The following PIGZ variants were observed in gnomAD, a reference collection of about 807,000 sequenced individuals.
PIGZ encodes GPI alpha-1,2-mannosyltransferase 4.
PIGZ carries 16 observed loss-of-function variants against 16.4 expected under a neutral mutation model. That is an observed-to-expected ratio of 0.97 (90% CI 0.66 to 1.48). The LOEUF (loss-of-function observed/expected upper bound fraction) is 1.48. PIGZ is among the 40% of genes most tolerant of loss of function. The pLI is 0.00. For synonymous variants in PIGZ, 409 were observed against 338.4 expected, an observed-to-expected ratio of 1.21 and a Z score of -2.29; for missense variants, 770 against 739.2, an observed-to-expected ratio of 1.04 and a Z score of -0.48.
chr3:196,946,791 G>C lies in PIGZ; in HGVS notation c.*366C>G, dbSNP rs757649190. ...AAGGGTAAGGCATCATGGGAGGTTTGGGAGAGGTCATTGAGGAATGTCACT... is the reference window on the plus strand; with the variant it reads ...AAGGGTAAGGCATCATGGGAGGTTTCGGAGAGGTCATTGAGGAATGTCACT... On this transcript the variant is annotated 3_prime_UTR_variant, in exon 3 of 3. Transcript: ENST00000412723. 8 of 187,810 alleles carry C rather than the reference G, an allele frequency of 4.3e-5. No homozygotes were observed. The highest frequency in any genetic ancestry group is 7.6e-5 in the Non-Finnish European group (7 of 91,938). The allele number at this position is 187,810 out of a possible 1,614,324, so 11.6% of individuals were successfully genotyped here. A position where few individuals can be genotyped will look rare whatever the true frequency, so the allele number is the denominator to read the frequency against.
At position 196,952,731 on chromosome 3, in the gene PIGZ, C is replaced by G. The variant is rs890043225; in HGVS notation, c.1-700G>C. ...GATTACAGGCGTGAGCCACCGTGCC[C>G]AGCTAAGATTAGCCTTTGAATTGGT... On this transcript the variant is annotated intron_variant, in intron 1 of 2. Transcript: ENST00000412723. 1.3e-4 allele frequency among the ~76,000 whole-genome samples: 20 copies of G among 152,314 alleles called. No individual in the cohort carries two copies. In the East Asian group the frequency reaches 3.9e-3, roughly 29 times the overall value.
In PIGZ at chr3:196,947,853, A is replaced by G. The variant is rs1254584673; in HGVS notation, c.1044T>C (p.Ser348=). The G allele has an allele frequency of 6.2e-7, 1 of 1,613,580 alleles. No individual in the cohort carries two copies. The highest frequency in any genetic ancestry group is 8.5e-7 in the Non-Finnish European group (1 of 1,179,642). The change falls in exon 3 of 3, where the codon TCT becomes TCC. Residue 348 remains serine, a synonymous_variant. Coordinates refer to ENST00000412723, the MANE Select transcript of PIGZ (RefSeq NM_025163.4). ...WQRLQVGLQA[S]AQMGLLRALG... ...GTGCCCTCAGGAGGCCCATTTGTGC[A>G]GAGGCCTGGAGGCCGACTTGCAGCC...
Position 196,965,827 on chromosome 3 carries a change from T to C in PIGZ, c.-1+2860A>G, listed in dbSNP as rs969778236. 1.3e-5 allele frequency among the ~76,000 whole-genome samples: 2 copies of C among 152,166 alleles called. No individual in the cohort carries two copies. Among genetic ancestry groups the C allele is most frequent in the Admixed American group, 1.3e-4 (2 of 15,276 alleles). On this transcript the variant is annotated intron_variant, in intron 1 of 2. Coordinates refer to ENST00000412723, the MANE Select transcript of PIGZ (RefSeq NM_025163.4). The surrounding 1 kb of genome is among the most constrained non-coding windows in gnomAD (Gnocchi z 4.2). ...TGTGGATGAATAATGAGGGAGATGG[T>C]AAGAAGCATGACCTGGAGTAGACTG...
At chr3:196,964,955 C>T (rs1717868515) in intron 1 of PIGZ, among the ~76,000 whole-genome samples, 2 of 152,124 alleles carry the variant, frequency 1.3e-5, no homozygotes, top group South Asian at 4.1e-4. Flanking sequence ...GAAGATGGAC[C>T]CGGTCTGTTT....
chr3:196,961,979 T>A (rs335821), intron 1 of PIGZ, among the ~76,000 whole-genome samples: 122,117 of 152,108 alleles, frequency 0.8, 49,812 homozygotes, highest in African/African-American at 0.95. Context: ...CCACTAATCT[T>A]CTTTCTGTCT....
intron 2 of PIGZ, 120 bp downstream of exon 2, chr3:196,951,701 C>G: frequency 2.2e-6 from 2 of 926,380 alleles, no homozygotes; most frequent in Non-Finnish European, 3.4e-6. Flanking sequence ...GGCTGCTGCT[C>G]TGCTTGTGGA....
At position 196,951,571 on chromosome 3, in the gene PIGZ, G is replaced by A. The variant is rs570053931; in HGVS notation, c.211+250C>T. Reference sequence around the variant, plus strand: ...TCATTCTGAATGACCTGTATTGTTGGTCCAAGCAGGGATACATCAAAGAGA... The same window carrying A: ...TCATTCTGAATGACCTGTATTGTTGATCCAAGCAGGGATACATCAAAGAGA... On this transcript the variant is annotated intron_variant, in intron 2 of 2. Coordinates refer to ENST00000412723, the MANE Select transcript of PIGZ (RefSeq NM_025163.4). 5.4e-6 allele frequency: 3 copies of A among 552,418 alleles called. No individual in the cohort carries two copies. The South Asian group carries it at 6.1e-5, about 11-fold the overall frequency. The allele number at this position is 552,418 out of a possible 1,614,324, so 34.2% of individuals were successfully genotyped here.
intron 2 of PIGZ, among the ~76,000 whole-genome samples, chr3:196,951,034 C>T (rs1577885424): frequency 1.3e-5 from 2 of 152,380 alleles, no homozygotes; most frequent in African/African-American, 2.4e-5. Flanking sequence ...GCGTGAGCCA[C>T]TGCATCTGAC....
At position 196,947,926 on chromosome 3, in the gene PIGZ, A is replaced by G; in HGVS notation, c.971T>C (p.Leu324Pro). 6.2e-7 allele frequency: 1 copy of G among 1,613,914 alleles called. No individual in the cohort carries two copies. Among genetic ancestry groups the G allele is most frequent in the African/African-American group, 1.3e-5 (1 of 75,054 alleles). Reference sequence around the variant, plus strand: ...CTGGGCATGCAGCACCCCGAAGAGCAGGAAGCCGTTGACTGCCAGGTGAGT... The same window carrying G: ...CTGGGCATGCAGCACCCCGAAGAGCGGGAAGCCGTTGACTGCCAGGTGAGT... ...RLTHLAVNGF[L>P]LFGVLHAQAL... Residue 324 changes from leucine to proline, a missense_variant, in exon 3 of 3, where the codon CTG becomes CCG. Leu to Pro is a moderately conservative substitution (Grantham distance 98, BLOSUM62 -3). Coordinates refer to ENST00000412723, the MANE Select transcript of PIGZ (RefSeq NM_025163.4).
intron 1 of PIGZ, 36 bp from the exon 2 acceptor site, chr3:196,952,067 A>G: frequency 6.4e-7 from 1 of 1,558,398 alleles, no homozygotes. Flanking sequence ...ATCACGATGT[A>G]AATTATAATA....
rs1040148973 is a variant in PIGZ at position 196,968,812 on chromosome 3, G to A, written c.-126C>T. The stretch of plus-strand genomic sequence containing the variant: ...GGGGAGGCCGTGGGAGCGGCCGGGC[G>A]CGCCTCAGCAGCGCGGAGACTGGGG... On this transcript the variant is annotated 5_prime_UTR_variant, in exon 1 of 3. Coordinates refer to ENST00000412723, the MANE Select transcript of PIGZ (RefSeq NM_025163.4). 2 of 150,420 alleles carry A rather than the reference G, an allele frequency of 1.3e-5. No homozygotes were observed. Among genetic ancestry groups the A allele is most frequent in the African/African-American group, 4.8e-5 (2 of 41,250 alleles). The allele number at this position is 150,420 out of a possible 1,614,324, so 9.3% of individuals were successfully genotyped here. A position where few individuals can be genotyped will look rare whatever the true frequency, so the allele number is the denominator to read the frequency against.
In PIGZ at chr3:196,948,246, T is replaced by A; in HGVS notation, c.651A>T (p.Gly217=). 1 of 1,613,986 alleles carries A rather than the reference T, an allele frequency of 6.2e-7. No individual in the cohort carries two copies. Among genetic ancestry groups the A allele is most frequent in the Non-Finnish European group, 8.5e-7 (1 of 1,179,966 alleles). ...PGPRWRSWLL[G]GIVAAGFFNR... is the part of the protein sequence containing the mutation. ...TGAAGAAGCCAGCAGCCACAATGCC[T>A]CCAAGAAGCCAGCTGCGCCACCGTG... Residue 217 remains glycine, a synonymous_variant, in exon 3 of 3, where the codon GGA becomes GGT. Transcript: ENST00000412723.
chr3:196,947,033 C>T lies in PIGZ; in HGVS notation c.*124G>A. The T allele has an allele frequency of 1.1e-5, 9 of 792,248 alleles. No individual in the cohort carries two copies. In the South Asian group the frequency reaches 1.8e-4, roughly 16 times the overall value. The allele number at this position is 792,248 out of a possible 1,614,324, so 49.1% of individuals were successfully genotyped here. A position where few individuals can be genotyped will look rare whatever the true frequency, so the allele number is the denominator to read the frequency against. Reference sequence around the variant, plus strand: ...AGCTAACAGCCATGCCCAGGAGAGGCAGCAGTGGGAGTCATGAAGGAGGAC... The same window carrying T: ...AGCTAACAGCCATGCCCAGGAGAGGTAGCAGTGGGAGTCATGAAGGAGGAC... On this transcript the variant is annotated 3_prime_UTR_variant, in exon 3 of 3. Coordinates refer to ENST00000412723, the MANE Select transcript of PIGZ (RefSeq NM_025163.4).
At chr3:196,948,901 TTCCCC>T (rs1293084718) in intron 2 of PIGZ, among the ~76,000 whole-genome samples, 1 of 49,544 alleles carries the variant, frequency 2.0e-5, no homozygotes, top group Non-Finnish European at 3.6e-5. Context: ...CTTCCTTCCC[TTCCCC>T]TCCCCTCCCT....
intron 1 of PIGZ, among the ~76,000 whole-genome samples, chr3:196,958,962 C>A (rs1250278053): frequency 6.6e-6 from 1 of 152,130 alleles, no homozygotes; most frequent in Non-Finnish European, 1.5e-5. Context: ...AACTACTATG[C>A]GGGAACTTGT....
chr3:196,954,601 A>AT (rs1184651254), intron 1 of PIGZ, among the ~76,000 whole-genome samples: 4 of 151,634 alleles, frequency 2.6e-5, no homozygotes, highest in East Asian at 1.9e-4. Context: ...TTTATTTCAG[A>AT]TTTTTTGCTA....
At position 196,947,732 on chromosome 3, in the gene PIGZ, C is replaced by T; in HGVS notation, c.1165G>A (p.Ala389Thr). Residue 389 changes from alanine (A) to threonine (T), a missense_variant, in exon 3 of 3, where the codon GCT becomes ACT. Ala to Thr is a moderately conservative substitution (Grantham distance 58). Coordinates refer to ENST00000412723, the MANE Select transcript of PIGZ (RefSeq NM_025163.4). ...ALLSAFSHQE[A>T]RFLIPLLVPL... ...ACCAGGAGGGGAATCAGGAACCGAGCCTCCTGGTGGCTAAAGGCAGATAGC... is the reference window on the plus strand; with the variant it reads ...ACCAGGAGGGGAATCAGGAACCGAGTCTCCTGGTGGCTAAAGGCAGATAGC... The T allele has an allele frequency of 6.2e-7, 1 of 1,612,752 alleles. No individual in the cohort carries two copies. Among genetic ancestry groups the T allele is most frequent in the East Asian group, 2.2e-5 (1 of 44,876 alleles).
At chr3:196,958,585 C>T (rs1016674254) in intron 1 of PIGZ, among the ~76,000 whole-genome samples, 3 of 152,188 alleles carry the variant, frequency 2.0e-5, no homozygotes, top group Admixed American at 6.5e-5. Context: ...TGGCCAAGAT[C>T]GCGCCACTGC....
intron 1 of PIGZ, among the ~76,000 whole-genome samples, chr3:196,966,358 T>A (rs563959287): frequency 2.1e-4 from 32 of 152,244 alleles, no homozygotes; most frequent in Non-Finnish European, 4.3e-4. Flanking sequence ...TATGCAGACA[T>A]AAGTGGTTGC....
Sources: gnomAD v4.1 joint callset for allele counts (sites outside exome capture counted in the v4.1 genomes callset) on GRCh38, gnomAD v4.1.1 for gene constraint, Gnocchi (gnomAD v3.1) non-coding constraint, MANE v1.5 for transcripts, NCBI Gene and HGNC (gene_info 2026-07-23, HGNC 2026-07-21) for gene names.